PRELID2: variants seen among roughly 807,000 people sequenced by gnomAD.
PRELID2 encodes PRELI domain containing 2, also known as PRELI domain-containing protein 2.
PRELID2 carries 25 observed loss-of-function variants against 28.4 expected under a neutral mutation model. That is an observed-to-expected ratio of 0.88 (90% confidence interval 0.64 to 1.23). PRELID2 has a LOEUF of 1.23. Among genes scored for constraint, PRELID2 ranks in the 50% most tolerant of loss-of-function variants. The probability of loss-of-function intolerance (pLI) is 0.00; values close to 1 mark genes in which losing one functional copy is unlikely to be tolerated. For missense variants in PRELID2, 201 were observed against 214.4 expected (o/e 0.94, Z 0.39); for synonymous variants, 76 against 71.6 (o/e 1.06, Z -0.31).
intron 1 of PRELID2, among the ~76,000 whole-genome samples, chr5:145,566,564 A>C (rs547166583): frequency 1.3e-5 from 2 of 152,014 alleles, no homozygotes; most frequent in Non-Finnish European, 2.9e-5. Context: ...AAAAGGCCCC[A>C]CATGGTGGTT....
At chr5:145,291,081 T>C in the PRELID2 span, among the ~76,000 whole-genome samples, 5 of 151,910 alleles carry the variant, frequency 3.3e-5, no homozygotes, top group East Asian at 9.7e-4. Context: ...GGCTCACACC[T>C]GTAATCCCAG....
chr5:145,423,062 C>T, the PRELID2 span, among the ~76,000 whole-genome samples: 30 of 149,742 alleles, frequency 2.0e-4, no homozygotes, highest in African/African-American at 7.4e-4. Flanking sequence ...TGAATATTGG[C>T]CCCCACTCTC....
chr5:145,457,846 AG>A, the PRELID2 span, among the ~76,000 whole-genome samples: 1 of 152,214 alleles, frequency 6.6e-6, no homozygotes, highest in Admixed American at 6.5e-5. Flanking sequence ...TAAAAGCTGC[AG>A]TAGAAACCAG....
chr5:145,464,886 C>G, the PRELID2 span, among the ~76,000 whole-genome samples: 301 of 152,026 alleles, frequency 2.0e-3, 6 homozygotes, highest in East Asian at 0.045. Context: ...TGACATAGGC[C>G]AACAGGGGGG....
chr5:145,562,324 A>T (rs961935237), intron 1 of PRELID2, among the ~76,000 whole-genome samples: 1 of 151,588 alleles, frequency 6.6e-6, no homozygotes, highest in Non-Finnish European at 1.5e-5. Flanking sequence ...TCCAGAAAAA[A>T]CCTCCAGTTT....
intron 4 of PRELID2, among the ~76,000 whole-genome samples, chr5:145,809,917 C>G (rs774274480): frequency 1.8e-4 from 27 of 152,152 alleles, no homozygotes; most frequent in Non-Finnish European, 3.5e-4. Context: ...AAAACCAAAT[C>G]AAATGCATGT....
At chr5:145,316,195 G>C in the PRELID2 span, among the ~76,000 whole-genome samples, 338 of 152,230 alleles carry the variant, frequency 2.2e-3, 10 homozygotes, top group East Asian at 0.054. Flanking sequence ...GGTCTTTATT[G>C]TTTAAACTTA....
chr5:145,382,951 C>T, the PRELID2 span, among the ~76,000 whole-genome samples: 1 of 151,366 alleles, frequency 6.6e-6, no homozygotes, highest in African/African-American at 2.4e-5. Context: ...ATATTAAAAC[C>T]TCTGAAACAC....
intron 1 of PRELID2, among the ~76,000 whole-genome samples, chr5:145,662,462 C>A (rs988515815): frequency 1.3e-5 from 2 of 151,952 alleles, no homozygotes; most frequent in Non-Finnish European, 2.9e-5. Context: ...AAGGGCAATG[C>A]TCTTTGGTAA....
chr5:145,299,635 A>ATATGTG, the PRELID2 span, among the ~76,000 whole-genome samples: 1 of 107,556 alleles, frequency 9.3e-6, no homozygotes, highest in East Asian at 2.2e-4. Context: ...CTACATATAT[A>ATATGTG]TGTGTGTGCG....
intron 1 of PRELID2, among the ~76,000 whole-genome samples, chr5:145,663,657 C>A (rs1280474914): frequency 6.6e-6 from 1 of 152,124 alleles, no homozygotes; most frequent in Non-Finnish European, 1.5e-5. Context: ...ATACGTGCCA[C>A]ACCAGCATTA....
the PRELID2 span, among the ~76,000 whole-genome samples, chr5:145,315,877 TAAAC>T: frequency 1.3e-5 from 2 of 152,204 alleles, no homozygotes; most frequent in African/African-American, 4.8e-5. Flanking sequence ...TTGTACATCT[TAAAC>T]ATATACAATT....
chr5:145,410,752 C>T, the PRELID2 span, among the ~76,000 whole-genome samples: 9 of 152,118 alleles, frequency 5.9e-5, no homozygotes, highest in African/African-American at 2.2e-4. Flanking sequence ...GGTGGGGACA[C>T]AGCCAAACCA....
chr5:145,620,662 G>A (rs2149651514), intron 1 of PRELID2, among the ~76,000 whole-genome samples: 1 of 152,238 alleles, frequency 6.6e-6, no homozygotes, highest in East Asian at 1.9e-4. Flanking sequence ...CTTGAGCCCA[G>A]GAGTTTGAGA....
chr5:145,752,079 G>C (rs1285840319), downstream of PRELID2, among the ~76,000 whole-genome samples: 1 of 152,136 alleles, frequency 6.6e-6, no homozygotes, highest in Non-Finnish European at 1.5e-5. Flanking sequence ...CCTGTTTTGA[G>C]AATTGCATGC....
At chr5:145,543,298 A>G (rs1371848152) in intron 1 of PRELID2, among the ~76,000 whole-genome samples, 1 of 152,086 alleles carries the variant, frequency 6.6e-6, no homozygotes, top group Non-Finnish European at 1.5e-5. Context: ...TATTCCACAC[A>G]TATTTGTTAA....
At chr5:145,279,603 CATT>C in the PRELID2 span, among the ~76,000 whole-genome samples, 2 of 152,092 alleles carry the variant, frequency 1.3e-5, no homozygotes, top group Non-Finnish European at 2.9e-5. Context: ...CTAAAATTAA[CATT>C]ATAATTATTG....
intron 6 of PRELID2, among the ~76,000 whole-genome samples, chr5:145,762,045 G>A (rs1398548141): frequency 3.9e-5 from 6 of 152,178 alleles, no homozygotes; most frequent in Non-Finnish European, 8.8e-5. Flanking sequence ...GATTTATGTG[G>A]TAAGAGTACA....
the PRELID2 span, among the ~76,000 whole-genome samples, chr5:145,415,818 A>C: frequency 1.3e-5 from 2 of 151,882 alleles, no homozygotes; most frequent in Admixed American, 6.6e-5. Flanking sequence ...GCTGGGTCAA[A>C]TCGTATTTCT....
Sources: allele counts gnomAD v4.1 joint callset (sites outside exome capture counted in the v4.1 genomes callset), GRCh38; gene constraint gnomAD v4.1.1; transcripts MANE v1.5; gene names NCBI Gene and HGNC (gene_info 2026-07-23, HGNC 2026-07-21).